The following RANBP2 variants were observed in gnomAD, a reference collection of about 807,000 sequenced individuals.
The protein encoded by RANBP2 is E3 SUMO-protein ligase RanBP2.
Under a neutral mutation model 303.6 loss-of-function variants are expected in RANBP2, and 57 were observed. The observed-to-expected ratio is 0.19, with a 90% CI of 0.15 to 0.23. The LOEUF is 0.23. Ranked by LOEUF, RANBP2 falls within the 10% of genes least tolerant of loss-of-function variation. The pLI is 1.00. For synonymous variants in RANBP2, 1,167 were observed against 1,301.5 expected (o/e 0.90, Z 2.23); for missense variants, 3,138 against 3,780.8 (o/e 0.83, Z 4.46).
the RANBP2 span, among the ~76,000 whole-genome samples, chr2:109,592,790 A>AT: frequency 7.2e-5 from 11 of 151,912 alleles, no homozygotes; most frequent in Non-Finnish European, 1.5e-4. Flanking sequence ...AAAAAAAAAA[A>AT]GGAAACGAAA....
the RANBP2 span, among the ~76,000 whole-genome samples, chr2:109,051,024 T>C: frequency 6.6e-6 from 1 of 152,196 alleles, no homozygotes; most frequent in African/African-American, 2.4e-5. Flanking sequence ...TCTCCTGTCA[T>C]TGGTCTCTCC....
the RANBP2 span, among the ~76,000 whole-genome samples, chr2:109,242,621 A>T: frequency 1.3e-5 from 2 of 152,052 alleles, no homozygotes; most frequent in Non-Finnish European, 2.9e-5. Flanking sequence ...ACTTTTCCTT[A>T]CTGGGCTGTG....
the RANBP2 span, among the ~76,000 whole-genome samples, chr2:109,698,477 ATAC>A: frequency 6.6e-6 from 1 of 151,384 alleles, no homozygotes. Flanking sequence ...GAAAAAAAAA[ATAC>A]ATAAATAAAT....
At chr2:109,524,474 A>AG in the RANBP2 span, among the ~76,000 whole-genome samples, 1,018 of 141,954 alleles carry the variant, frequency 7.2e-3, 29 homozygotes, top group African/African-American at 0.025. Context: ...AAACAAAACA[A>AG]CACTGGGCGC....
the RANBP2 span, among the ~76,000 whole-genome samples, chr2:109,136,033 G>T: frequency 6.6e-6 from 1 of 152,164 alleles, no homozygotes; most frequent in Non-Finnish European, 1.5e-5. Flanking sequence ...CTAGAATCAG[G>T]CTGCTTGCTG....
At chr2:109,436,575 T>C in the RANBP2 span, among the ~76,000 whole-genome samples, 3 of 152,266 alleles carry the variant, frequency 2.0e-5, no homozygotes, top group African/African-American at 4.8e-5. Flanking sequence ...TGGATGTATC[T>C]GGAGACACAC....
chr2:109,546,553 C>T, the RANBP2 span, among the ~76,000 whole-genome samples: 1 of 151,670 alleles, frequency 6.6e-6, no homozygotes, highest in Non-Finnish European at 1.5e-5. Context: ...CTTAAAGTCT[C>T]TCAAGTCCAT....
chr2:108,845,047 A>G, the RANBP2 span, among the ~76,000 whole-genome samples: 1 of 151,490 alleles, frequency 6.6e-6, no homozygotes, highest in East Asian at 1.9e-4. Flanking sequence ...TGCCTGGCCC[A>G]CATTTTTTTT....
At chr2:109,033,365 T>C in the RANBP2 span, among the ~76,000 whole-genome samples, 2 of 152,126 alleles carry the variant, frequency 1.3e-5, no homozygotes, top group Non-Finnish European at 2.9e-5. Flanking sequence ...GCAGGTGGTG[T>C]TGCCGAAACA....
chr2:108,867,230 C>A, the RANBP2 span, among the ~76,000 whole-genome samples: 16 of 152,024 alleles, frequency 1.1e-4, no homozygotes, highest in Non-Finnish European at 2.4e-4. Context: ...ATAACTAAGT[C>A]TTTTAGAAGA....
the RANBP2 span, chr2:109,794,679 C>T: frequency 4.6e-4 from 326 of 714,376 alleles, 1 homozygote; most frequent in South Asian, 0.016. Flanking sequence ...TGCTCCGTGG[C>T]GCGCTCTGTT....
At chr2:109,458,486 C>A in the RANBP2 span, among the ~76,000 whole-genome samples, 1 of 151,306 alleles carries the variant, frequency 6.6e-6, no homozygotes, top group Non-Finnish European at 1.5e-5. Context: ...GGAATAATGT[C>A]TTTTTGTACT....
At chr2:109,544,475 G>T in the RANBP2 span, 1 of 1,373,638 alleles carries the variant, frequency 7.3e-7, no homozygotes, top group South Asian at 2.0e-5. Flanking sequence ...ATATTTTCTT[G>T]AAGATAAATT....
At chr2:108,943,269 G>T in the RANBP2 span, among the ~76,000 whole-genome samples, 1 of 152,180 alleles carries the variant, frequency 6.6e-6, no homozygotes, top group Non-Finnish European at 1.5e-5. Flanking sequence ...ACCTGAGACG[G>T]GTCTGCTCCG....
chr2:109,241,684 C>A, the RANBP2 span, among the ~76,000 whole-genome samples: 1 of 152,130 alleles, frequency 6.6e-6, no homozygotes, highest in African/African-American at 2.4e-5. Context: ...TTCTCTCCCC[C>A]AGTCCCTGCA....
At chr2:109,008,057 C>T in the RANBP2 span, among the ~76,000 whole-genome samples, 2 of 152,080 alleles carry the variant, frequency 1.3e-5, no homozygotes, top group Non-Finnish European at 2.9e-5. Context: ...AATGAGCAAC[C>T]CTTCAACATG....
the RANBP2 span, among the ~76,000 whole-genome samples, chr2:109,547,049 T>TC: frequency 6.6e-6 from 1 of 152,098 alleles, no homozygotes; most frequent in African/African-American, 2.4e-5. Context: ...AAAAAAGGTA[T>TC]CCAGCCCCCT....
At chr2:108,932,459 G>T in the RANBP2 span, among the ~76,000 whole-genome samples, 6 of 150,550 alleles carry the variant, frequency 4.0e-5, 1 homozygote, top group Admixed American at 3.3e-4. Flanking sequence ...AACCCGGGAG[G>T]CGGAGCTTGC....
the RANBP2 span, among the ~76,000 whole-genome samples, chr2:109,221,218 C>G: frequency 6.6e-6 from 1 of 152,220 alleles, no homozygotes; most frequent in Admixed American, 6.5e-5. Context: ...TAGTCAGCCT[C>G]TCTTAATTTT....
Sources: gnomAD v4.1 joint callset for allele counts (sites outside exome capture counted in the v4.1 genomes callset) on GRCh38, gnomAD v4.1.1 for gene constraint, MANE v1.5 for transcripts, NCBI Gene and HGNC (gene_info 2026-07-23, HGNC 2026-07-21) for gene names.